PDLIM5: variants seen among roughly 807,000 people sequenced by gnomAD.
PDLIM5 encodes PDZ and LIM domain protein 5.
Under a neutral mutation model 64.2 loss-of-function variants are expected in PDLIM5, and 34 were observed. That is an observed-to-expected ratio of 0.53 (90% confidence interval 0.40 to 0.71). PDLIM5 has a LOEUF of 0.71. PDLIM5 is among the 30% of genes least tolerant of loss of function. The pLI is 0.00. For synonymous variants in PDLIM5, 253 were observed against 269.1 expected (o/e 0.94, Z 0.59); for missense variants, 683 against 733.6 (o/e 0.93, Z 0.80).
chr4:94,531,828 G>A (rs1730897252), intron 3 of PDLIM5, among the ~76,000 whole-genome samples: 1 of 152,050 alleles, frequency 6.6e-6, no homozygotes, highest in South Asian at 2.1e-4. Flanking sequence ...CTGTTAAAAA[G>A]TACTTTTCAT....
At chr4:94,510,177 T>C (rs1446382836) in intron 2 of PDLIM5, among the ~76,000 whole-genome samples, 1 of 152,208 alleles carries the variant, frequency 6.6e-6, no homozygotes, top group East Asian at 1.9e-4. Flanking sequence ...GAAACAACAA[T>C]TTAAGGTCTG....
intron 5 of PDLIM5, chr4:94,579,334 T>C (rs559896005): frequency 2.7e-6 from 1 of 365,760 alleles, no homozygotes; most frequent in African/African-American, 2.1e-5. Flanking sequence ...CCTTTCCATA[T>C]ATCCTTGCAT....
intron 7 of PDLIM5, among the ~76,000 whole-genome samples, chr4:94,590,039 A>G (rs1475677901): frequency 2.6e-5 from 4 of 152,132 alleles, no homozygotes; most frequent in Non-Finnish European, 5.9e-5. Flanking sequence ...TCGGCCTCCC[A>G]AAGTGCTGGG....
intron 3 of PDLIM5, among the ~76,000 whole-genome samples, chr4:94,533,759 G>C (rs982681952): frequency 1.3e-5 from 2 of 152,094 alleles, no homozygotes; most frequent in African/African-American, 4.8e-5. Flanking sequence ...GTATTAGTAC[G>C]GTATCCATTG....
At chr4:94,558,043 T>G (rs1262623748) in intron 3 of PDLIM5, among the ~76,000 whole-genome samples, 1 of 149,754 alleles carries the variant, frequency 6.7e-6, no homozygotes, top group Non-Finnish European at 1.5e-5. Flanking sequence ...GGCTGTGAGT[T>G]TGTCATAAGT....
At chr4:94,612,079 G>A (rs1285882658) in intron 7 of PDLIM5, among the ~76,000 whole-genome samples, 2 of 152,100 alleles carry the variant, frequency 1.3e-5, no homozygotes, top group Non-Finnish European at 2.9e-5. Flanking sequence ...TTAGCCGGGT[G>A]TGGCAGTGGG....
chr4:94,470,901 C>G (rs1724808880), intron 2 of PDLIM5, among the ~76,000 whole-genome samples: 1 of 152,124 alleles, frequency 6.6e-6, no homozygotes, highest in Admixed American at 6.6e-5. Flanking sequence ...CTCACAGTTC[C>G]ACATGGCTGG....
Position 94,472,672 on chromosome 4 carries a change from A to G in PDLIM5, c.96+17288A>G, listed in dbSNP as rs1013708266. 8.5e-5 allele frequency among the ~76,000 whole-genome samples: 13 copies of G among 152,326 alleles called. No individual in the cohort carries two copies. In the East Asian group the frequency reaches 2.5e-3, roughly 29 times the overall value. ...ATCCCTGGTGGTGGCCAGCTAGACT[A>G]GGATGAGTGCCTCCCTAAATGCGGC... On this transcript the variant is annotated intron_variant, in intron 2 of 12. Coordinates refer to ENST00000317968, the MANE Select transcript of PDLIM5 (RefSeq NM_006457.5).
At position 94,585,704 on chromosome 4, in the gene PDLIM5, C is replaced by G. The variant is rs772427411; in HGVS notation, c.850C>G (p.Arg284Gly). The G allele has an allele frequency of 1.2e-6, 2 of 1,613,628 alleles. No individual in the cohort carries two copies. Among genetic ancestry groups the G allele is most frequent in the Non-Finnish European group, 1.7e-6 (2 of 1,179,774 alleles). The change falls in exon 6 of 13, where the codon CGA becomes GGA. Residue 284 changes from arginine to glycine, a missense_variant. Transcript: ENST00000317968. ...RTGTTQSRSF[R>G]ILAQITGTEH... Reference sequence around the variant, plus strand: ...TGGAACAACTCAGTCTCGCTCTTTCCGAATCCTTGCCCAGATCACTGGGAC... The same window carrying G: ...TGGAACAACTCAGTCTCGCTCTTTCGGAATCCTTGCCCAGATCACTGGGAC...
intron 3 of PDLIM5, among the ~76,000 whole-genome samples, chr4:94,553,479 A>G (rs1732997072): frequency 6.6e-6 from 1 of 152,302 alleles, no homozygotes; most frequent in South Asian, 2.1e-4. Context: ...TCTTCTTGGT[A>G]TCATCATTAT....
At chr4:94,573,221 T>C in intron 3 of PDLIM5, 130 bp from the exon 4 acceptor site, 1 of 678,408 alleles carries the variant, frequency 1.5e-6, no homozygotes, top group Non-Finnish European at 2.5e-6. Context: ...AACTATGAAT[T>C]ATGAAACGAT....
intron 3 of PDLIM5, among the ~76,000 whole-genome samples, chr4:94,530,581 G>C (rs1730782818): frequency 6.9e-6 from 1 of 145,322 alleles, no homozygotes; most frequent in South Asian, 2.2e-4. Flanking sequence ...TATATTACTA[G>C]TAGTGGCATG....
chr4:94,641,794 A>G (rs1255377830), intron 9 of PDLIM5, among the ~76,000 whole-genome samples: 1 of 152,196 alleles, frequency 6.6e-6, no homozygotes, highest in Non-Finnish European at 1.5e-5. Context: ...TTATGGGGAG[A>G]AAGGGAAAAT....
intron 3 of PDLIM5, among the ~76,000 whole-genome samples, chr4:94,531,277 T>C (rs963287847): frequency 1.3e-5 from 2 of 152,226 alleles, no homozygotes; most frequent in Non-Finnish European, 2.9e-5. Context: ...TCATTAAAAT[T>C]AGAAATGCTG....
At chr4:94,627,744 A>G (rs1201531610) in intron 8 of PDLIM5, among the ~76,000 whole-genome samples, 1 of 152,230 alleles carries the variant, frequency 6.6e-6, no homozygotes, top group Non-Finnish European at 1.5e-5. Flanking sequence ...AGTTTTGTTA[A>G]CACTGGTTTT....
At chr4:94,457,195 G>A (rs1578187709) in intron 2 of PDLIM5, 8 of 969,544 alleles carry the variant, frequency 8.3e-6, no homozygotes, top group Admixed American at 6.2e-5. Flanking sequence ...TTTTACTAAC[G>A]GAGTCTCCTT....
intron 9 of PDLIM5, 51 bp downstream of exon 9, chr4:94,640,501 T>G (rs76907001): frequency 1.9e-4 from 8 of 42,932 alleles, no homozygotes; most frequent in African/African-American, 7.2e-4. Context: ...CAATGTTGGG[T>G]TTTTTTTTTT....
At chr4:94,542,445 T>G (rs990697751) in intron 3 of PDLIM5, among the ~76,000 whole-genome samples, 1 of 152,192 alleles carries the variant, frequency 6.6e-6, no homozygotes, top group African/African-American at 2.4e-5. Flanking sequence ...GGGTACATTT[T>G]TTTCTCATTT....
At chr4:94,564,402 GC>G (rs1476672347) in intron 3 of PDLIM5, among the ~76,000 whole-genome samples, 1 of 151,990 alleles carries the variant, frequency 6.6e-6, no homozygotes, top group African/African-American at 2.4e-5. Context: ...AACCTTTCTA[GC>G]CCCACTGGTA....
Sources: gnomAD v4.1 joint callset for allele counts (sites outside exome capture counted in the v4.1 genomes callset) on GRCh38, gnomAD v4.1.1 for gene constraint, MANE v1.5 for transcripts, NCBI Gene and HGNC (gene_info 2026-07-23, HGNC 2026-07-21) for gene names.